The following WWOX variants were observed in gnomAD, a reference collection of about 807,000 sequenced individuals.
The protein encoded by WWOX is WW domain-containing oxidoreductase.
In WWOX, 69 loss-of-function variants were observed where a neutral mutation model predicts 46.2. The ratio of observed to expected loss-of-function variants is 1.49; its 90% confidence interval spans 1.23 to 1.82. The LOEUF is 1.82. Ranked by LOEUF, WWOX falls within the 40% of genes most tolerant of loss-of-function variation. The probability of loss-of-function intolerance (pLI) is 0.00; values close to 1 mark genes in which losing one functional copy is unlikely to be tolerated. For synonymous variants in WWOX, 359 were observed against 202.6 expected (o/e 1.77, Z -6.56); for missense variants, 919 against 542.6 (o/e 1.69, Z -6.89).
rs544847397 is a variant in WWOX at position 78,833,522 on chromosome 16, C to T, written c.1057-378086C>T. Among the ~76,000 whole-genome samples, 44 of 152,266 alleles carry T rather than the reference C, an allele frequency of 2.9e-4. No homozygotes were observed. The East Asian group carries it at 3.3e-3, about 11-fold the overall frequency. ...GAAAATTGGGTTACAATACCTACAACGTGCAGTGAGGACACTCTTTTATCA... is the reference window on the plus strand; with the variant it reads ...GAAAATTGGGTTACAATACCTACAATGTGCAGTGAGGACACTCTTTTATCA... On this transcript the variant is annotated intron_variant, in intron 8 of 8. Transcript: ENST00000566780.
intron 8 of WWOX, among the ~76,000 whole-genome samples, chr16:79,122,370 A>G (rs1014606356): frequency 6.6e-6 from 1 of 152,190 alleles, no homozygotes; most frequent in Non-Finnish European, 1.5e-5. Context: ...CGCTTCTAAA[A>G]GCCGCACAAA....
At chr16:78,462,466 C>G (rs74028014) in intron 8 of WWOX, among the ~76,000 whole-genome samples, 2,397 of 152,258 alleles carry the variant, frequency 0.016, 59 homozygotes, top group African/African-American at 0.054. Context: ...ACTCACACTG[C>G]TATTAAGCAG....
intron 8 of WWOX, among the ~76,000 whole-genome samples, chr16:78,701,499 C>G (rs758658366): frequency 6.6e-6 from 1 of 152,142 alleles, no homozygotes; most frequent in Non-Finnish European, 1.5e-5. Flanking sequence ...TTACCTCTCT[C>G]TACCTCTATC....
chr16:78,392,231 G>C (rs527901730), intron 6 of WWOX, among the ~76,000 whole-genome samples: 20 of 152,122 alleles, frequency 1.3e-4, no homozygotes, highest in African/African-American at 4.3e-4. Flanking sequence ...CCCCCTGTCA[G>C]ATCAGCAACA....
chr16:78,980,535 GTTTA>G (rs1159187365), intron 8 of WWOX, among the ~76,000 whole-genome samples: 2 of 152,234 alleles, frequency 1.3e-5, no homozygotes, highest in African/African-American at 2.4e-5. Flanking sequence ...AATACTAATA[GTTTA>G]TTTATTTATT....
chr16:78,896,367 G>A (rs529322599), intron 8 of WWOX: 1 of 152,102 alleles, frequency 6.6e-6, no homozygotes, highest in South Asian at 2.1e-4. Context: ...TCAAAAACGG[G>A]CTGGGACCAC....
At chr16:78,785,973 C>G (rs1310202112) in intron 8 of WWOX, among the ~76,000 whole-genome samples, 9 of 152,276 alleles carry the variant, frequency 5.9e-5, no homozygotes, top group Non-Finnish European at 1.3e-4. Context: ...GTGGCGCGAT[C>G]TCTGCTCACC....
chr16:78,565,353 C>G (rs1221799456), intron 8 of WWOX, among the ~76,000 whole-genome samples: 1 of 152,216 alleles, frequency 6.6e-6, no homozygotes, highest in Non-Finnish European at 1.5e-5. Context: ...TCTGGAGGCT[C>G]TAGGGGAGAA....
At chr16:78,165,434 G>C (rs975725613) in intron 5 of WWOX, among the ~76,000 whole-genome samples, 21 of 152,156 alleles carry the variant, frequency 1.4e-4, no homozygotes, top group Non-Finnish European at 2.6e-4. Flanking sequence ...GTGGTCCTAG[G>C]AATCAGTAAT....
At chr16:79,070,664 G>T (rs1160707934) in intron 8 of WWOX, among the ~76,000 whole-genome samples, 1 of 152,190 alleles carries the variant, frequency 6.6e-6, no homozygotes, top group Non-Finnish European at 1.5e-5. Context: ...GGGTATGCGA[G>T]AGATGTCAAC....
chr16:78,533,388 A>G (rs978970456), intron 8 of WWOX, among the ~76,000 whole-genome samples: 1 of 149,426 alleles, frequency 6.7e-6, no homozygotes, highest in Non-Finnish European at 1.5e-5. Context: ...TTGGCTGCAC[A>G]TAATATACAA....
At position 78,979,099 on chromosome 16, in the gene WWOX, TC is replaced by T. The variant is rs200811560; in HGVS notation, c.1057-232506del. 3.6e-3 allele frequency among the ~76,000 whole-genome samples: 539 copies of T among 148,608 alleles called. 3 individuals carry two copies. Among genetic ancestry groups the T allele is most frequent in the African/African-American group, 0.012 (503 of 40,338 alleles). ...GAATTTCAGTCTTTTTTTTTTTTTT[TC>T]CCTATACAGACACAGGAAGTATATA... On this transcript the variant is annotated intron_variant, in intron 8 of 8. Coordinates refer to ENST00000566780, the MANE Select transcript of WWOX (RefSeq NM_016373.4).
intron 8 of WWOX, among the ~76,000 whole-genome samples, chr16:78,863,875 C>T (rs977222100): frequency 4.6e-5 from 7 of 152,216 alleles, no homozygotes; most frequent in Non-Finnish European, 4.4e-5. Flanking sequence ...TTGTGATTGG[C>T]CTCCTCCACT....
chr16:78,278,689 G>C (rs759444929), intron 5 of WWOX: 116 of 1,579,602 alleles, frequency 7.3e-5, no homozygotes, highest in Admixed American at 3.4e-4. Context: ...ATCTTGAATA[G>C]TCTCATCAAT....
chr16:78,421,404 G>C (rs2082927036), intron 6 of WWOX, among the ~76,000 whole-genome samples: 1 of 152,152 alleles, frequency 6.6e-6, no homozygotes, highest in Admixed American at 6.5e-5. Context: ...CTCTGTGGGT[G>C]TTCCTTCTCC....
chr16:78,878,662 G>T (rs78057897), intron 8 of WWOX, among the ~76,000 whole-genome samples: 2,811 of 152,194 alleles, frequency 0.018, 38 homozygotes, highest in Middle Eastern at 0.034. Flanking sequence ...TTCTGTAAAT[G>T]TTACCCATTT....
At chr16:79,150,877 T>C (rs192382691) in intron 8 of WWOX, among the ~76,000 whole-genome samples, 3 of 152,100 alleles carry the variant, frequency 2.0e-5, no homozygotes, top group Admixed American at 1.3e-4. Context: ...CCAAATAAAA[T>C]ACATCCGCAG....
At chr16:78,996,370 G>GCACC in intron 8 of WWOX, 1 of 834,528 alleles carries the variant, frequency 1.2e-6, no homozygotes, top group Non-Finnish European at 1.4e-6. Context: ...AGTGAATTCT[G>GCACC]CACCCACCCC....
intron 8 of WWOX, among the ~76,000 whole-genome samples, chr16:78,992,376 A>G (rs4273049): frequency 0.71 from 107,245 of 151,986 alleles, 38,717 homozygotes; most frequent in Non-Finnish European, 0.77. Context: ...CTGAGGCAGG[A>G]GAATTGCTTG....
Sources: gnomAD v4.1 joint callset for allele counts (sites outside exome capture counted in the v4.1 genomes callset) on GRCh38, gnomAD v4.1.1 for gene constraint, MANE v1.5 for transcripts, NCBI Gene and HGNC (gene_info 2026-07-23, HGNC 2026-07-21) for gene names.